The following SCAI variants were observed in gnomAD, a reference collection of about 807,000 sequenced individuals.
The protein encoded by SCAI is suppressor of cancer cell invasion.
Under a neutral mutation model 92.2 loss-of-function variants are expected in SCAI, and 24 were observed. The ratio of observed to expected loss-of-function variants is 0.26; its 90% CI spans 0.19 to 0.37. SCAI has a LOEUF of 0.37. Ranked by LOEUF, SCAI falls within the 10% of genes least tolerant of loss-of-function variation. The pLI, the probability that SCAI is intolerant of heterozygous loss-of-function variation, is 1.00. For synonymous variants in SCAI, 261 were observed against 258.6 expected, an observed-to-expected ratio of 1.01 and a Z score of -0.09; for missense variants, 450 against 736.2, an observed-to-expected ratio of 0.61 and a Z score of 4.50.
chr9:124,968,336 T>C, intron 17 of SCAI: 1 of 1,227,228 alleles, frequency 8.1e-7, no homozygotes, highest in South Asian at 1.2e-5. Context: ...ACAAGTCCAG[T>C]TTGGTTTTTA....
At chr9:125,139,003 T>C (rs1007151671) in intron 2 of SCAI, among the ~76,000 whole-genome samples, 36 of 151,624 alleles carry the variant, frequency 2.4e-4, no homozygotes, top group African/African-American at 8.7e-4. Context: ...TGGGACCCAA[T>C]AAGGTGGAGC....
intron 2 of SCAI, among the ~76,000 whole-genome samples, chr9:125,063,680 C>CAA (rs139233843): frequency 1.3e-4 from 19 of 144,376 alleles, no homozygotes; most frequent in Non-Finnish European, 2.4e-4. Context: ...AAGTCCCCCT[C>CAA]AAAAAAAAAA....
At chr9:125,093,516 C>CAA (rs1251109166) in intron 2 of SCAI, among the ~76,000 whole-genome samples, 2 of 151,874 alleles carry the variant, frequency 1.3e-5, no homozygotes, top group Non-Finnish European at 2.9e-5. Context: ...CCATAGGTGA[C>CAA]AGTGTGAATT....
At chr9:125,035,653 C>T (rs894945140) in intron 3 of SCAI, among the ~76,000 whole-genome samples, 7 of 152,114 alleles carry the variant, frequency 4.6e-5, no homozygotes, top group Non-Finnish European at 1.0e-4. Flanking sequence ...ATACAGGTAA[C>T]GACCTAAGAA....
chr9:125,039,554 A>C (rs2131106099), intron 3 of SCAI, among the ~76,000 whole-genome samples: 1 of 152,288 alleles, frequency 6.6e-6, no homozygotes, highest in Non-Finnish European at 1.5e-5. Flanking sequence ...GAAGCTTAAA[A>C]CAAAAACCAT....
chr9:124,977,710 G>T (rs1445421522), intron 14 of SCAI, among the ~76,000 whole-genome samples: 1 of 152,020 alleles, frequency 6.6e-6, no homozygotes, highest in Non-Finnish European at 1.5e-5. Flanking sequence ...CATAACAGAA[G>T]AAAAACGTCA....
At chr9:125,069,403 C>T (rs1411670482) in intron 2 of SCAI, among the ~76,000 whole-genome samples, 5 of 150,040 alleles carry the variant, frequency 3.3e-5, no homozygotes, top group Admixed American at 6.6e-5. Context: ...CTGCAAGCTC[C>T]GCCTCTGGGG....
chr9:125,029,106 T>C (rs1013248483), intron 4 of SCAI, among the ~76,000 whole-genome samples: 1 of 151,964 alleles, frequency 6.6e-6, no homozygotes, highest in Non-Finnish European at 1.5e-5. Context: ...CCTTATTTTA[T>C]TATTTATTTT....
At chr9:124,981,924 C>T (rs999354855) in intron 14 of SCAI, among the ~76,000 whole-genome samples, 11 of 152,148 alleles carry the variant, frequency 7.2e-5, no homozygotes, top group Non-Finnish European at 1.2e-4. Context: ...GGATTACAGA[C>T]GTGAGATACT....
At chr9:125,105,108 C>T (rs561688265) in intron 2 of SCAI, among the ~76,000 whole-genome samples, 2 of 152,048 alleles carry the variant, frequency 1.3e-5, no homozygotes, top group Non-Finnish European at 2.9e-5. Flanking sequence ...AAACCAAAGC[C>T]ATCATGTACC....
chr9:125,045,054 G>C (rs2131116781), intron 3 of SCAI, among the ~76,000 whole-genome samples: 1 of 152,306 alleles, frequency 6.6e-6, no homozygotes, highest in South Asian at 2.1e-4. Context: ...GCAGGTGTGG[G>C]ATCTGAGCCA....
At chr9:125,046,196 G>GAGAT (rs371482525) in intron 3 of SCAI, among the ~76,000 whole-genome samples, 1 of 51,868 alleles carries the variant, frequency 1.9e-5, no homozygotes, top group Admixed American at 2.3e-4. Flanking sequence ...GAAATTGTGA[G>GAGAT]ATATATATAT....
chr9:124,993,407 G>A (rs1387999782), intron 14 of SCAI, among the ~76,000 whole-genome samples: 1 of 152,188 alleles, frequency 6.6e-6, no homozygotes, highest in Non-Finnish European at 1.5e-5. Context: ...TGAGCAACAT[G>A]GAGAAACCCC....
chr9:124,968,772 GGTGCGCAGGCCACGGCGATTCCA>G (rs1831593191), intron 17 of SCAI: 8 of 953,442 alleles, frequency 8.4e-6, no homozygotes, highest in Admixed American at 5.3e-5. Context: ...GGCATGGTGG[GGTGCGCAGGCCACGGCGATTCCA>G]GTGCGCAGGC....
At chr9:125,019,081 TA>T in intron 8 of SCAI, 25 bp downstream of exon 8, 1 of 1,552,890 alleles carries the variant, frequency 6.4e-7, no homozygotes, top group African/African-American at 1.4e-5. Flanking sequence ...TATCAATAAT[TA>T]TGATTTTTCT....
intron 3 of SCAI, among the ~76,000 whole-genome samples, chr9:125,030,128 G>A (rs1161129027): frequency 6.6e-6 from 1 of 152,034 alleles, no homozygotes; most frequent in East Asian, 1.9e-4. Flanking sequence ...CCTAGAAATC[G>A]ATATGTAGAT....
intron 2 of SCAI, among the ~76,000 whole-genome samples, chr9:125,129,180 C>T (rs556255146): frequency 6.6e-6 from 1 of 151,998 alleles, no homozygotes; most frequent in African/African-American, 2.4e-5. Context: ...GGCACTCACG[C>T]CTGTAATCCT....
At chr9:125,123,358 A>G (rs1412106386) in intron 2 of SCAI, among the ~76,000 whole-genome samples, 1 of 151,970 alleles carries the variant, frequency 6.6e-6, no homozygotes, top group Non-Finnish European at 1.5e-5. Context: ...GTGAGACTCC[A>G]ACTCAAAAAA....
At chr9:125,070,756 C>T (rs1833965938) in intron 2 of SCAI, among the ~76,000 whole-genome samples, 1 of 152,138 alleles carries the variant, frequency 6.6e-6, no homozygotes, top group African/African-American at 2.4e-5. Flanking sequence ...CAAGGCCAGG[C>T]ATGGTGGCTC....
Sources: gnomAD v4.1 joint callset for allele counts (sites outside exome capture counted in the v4.1 genomes callset) on GRCh38, gnomAD v4.1.1 for gene constraint, MANE v1.5 for transcripts, NCBI Gene and HGNC (gene_info 2026-07-23, HGNC 2026-07-21) for gene names.